Variants in SS18L1 observed in about 807,000 individuals in gnomAD.
SS18L1 encodes calcium-responsive transactivator.
Under a neutral mutation model 70.3 loss-of-function variants are expected in SS18L1, and 32 were observed. The ratio of observed to expected loss-of-function variants is 0.46; its 90% CI spans 0.34 to 0.61. The LOEUF (loss-of-function observed/expected upper bound fraction) is 0.61. Among genes scored for constraint, SS18L1 ranks in the 20% least tolerant of loss-of-function variants. The probability of loss-of-function intolerance (pLI) is 0.01; values close to 1 mark genes in which losing one functional copy is unlikely to be tolerated. For missense variants in SS18L1, 430 were observed against 542.1 expected (o/e 0.79, Z 2.05); for synonymous variants, 237 against 229.7 (o/e 1.03, Z -0.29).
At chr20:62,168,144 G>C (rs540200522) in intron 8 of SS18L1, among the ~76,000 whole-genome samples, 2 of 152,174 alleles carry the variant, frequency 1.3e-5, no homozygotes, top group South Asian at 2.1e-4. Flanking sequence ...TCCGTAGCTT[G>C]TTGTGGGTTA....
chr20:62,161,808 C>G lies in SS18L1; in HGVS notation c.376+228C>G, dbSNP rs537968109. Among the ~76,000 whole-genome samples the G allele has an allele frequency of 6.6e-6, 1 of 152,378 alleles. No individual in the cohort carries two copies. The highest frequency in any genetic ancestry group is 2.1e-4 in the South Asian group (1 of 4,832). ...CTCCAGTTGTCCACTCTCTCTGACA[C>G]TGTCACGTTCCATCAAATTCAAATG... is the stretch of plus-strand genomic sequence containing the variant. On this transcript the variant is annotated intron_variant, in intron 4 of 10. Coordinates refer to ENST00000331758, the MANE Select transcript of SS18L1 (RefSeq NM_198935.3). The surrounding 1 kb of genome is among the most constrained non-coding windows in gnomAD (Gnocchi z 4.4).
intron 10 of SS18L1, chr20:62,175,347 C>T (rs1251628529): frequency 1.0e-6 from 1 of 985,314 alleles, no homozygotes; most frequent in Non-Finnish European, 1.2e-6. Context: ...GCAGACATCG[C>T]TTTCCCTCTG....
chr20:62,157,766 C>T (rs1203549291), intron 1 of SS18L1, among the ~76,000 whole-genome samples: 3 of 152,216 alleles, frequency 2.0e-5, no homozygotes, highest in African/African-American at 7.2e-5. Context: ...TGCCGTTCTC[C>T]TGCATTTCAG....
chr20:62,145,318 A>AGG (rs11394882), intron 1 of SS18L1, among the ~76,000 whole-genome samples: 33 of 152,122 alleles, frequency 2.2e-4, no homozygotes, highest in African/African-American at 6.7e-4. Context: ...ACTGAGGCCT[A>AGG]GGGGGGCTAA....
In SS18L1 at chr20:62,159,973, C is replaced by CGG; in HGVS notation, c.231+17_231+18dup. On this transcript the variant is annotated intron_variant, in intron 3 of 10. Coordinates refer to ENST00000331758, the MANE Select transcript of SS18L1 (RefSeq NM_198935.3). This position sits in a 1 kb window ranked among gnomAD's most constrained non-coding sequence, Gnocchi z 4.4. ...CCCTGCTTCCTGCCGTGAGTACCCA[C>CGG]GGGGGGTTGGCCTCCTTTACCCAGC... is the stretch of plus-strand genomic sequence containing the variant. The CGG allele has an allele frequency of 6.2e-7, 1 of 1,608,300 alleles. No homozygotes were observed.
chr20:62,172,564 G>A, intron 8 of SS18L1, 118 bp from the exon 9 acceptor site: 2 of 1,453,974 alleles, frequency 1.4e-6, no homozygotes, highest in South Asian at 1.2e-5. Context: ...AAATAAACAT[G>A]CCGAAGCAAT....
At chr20:62,146,187 C>T (rs963504468) in intron 1 of SS18L1, among the ~76,000 whole-genome samples, 2 of 152,354 alleles carry the variant, frequency 1.3e-5, no homozygotes, top group South Asian at 2.1e-4. Context: ...ACTCAACCTT[C>T]AAAGCCTCAC....
intron 8 of SS18L1, among the ~76,000 whole-genome samples, chr20:62,169,876 G>A (rs1281982492): frequency 6.6e-6 from 1 of 152,170 alleles, no homozygotes; most frequent in Non-Finnish European, 1.5e-5. Context: ...AGTCCCGAGC[G>A]CGGCTGGCGT....
chr20:62,169,606 C>G (rs2057494026), intron 8 of SS18L1, among the ~76,000 whole-genome samples: 1 of 152,076 alleles, frequency 6.6e-6, no homozygotes, highest in Non-Finnish European at 1.5e-5. Flanking sequence ...TGGTGAAACC[C>G]CATCTCGACC....
At chr20:62,170,610 G>A (rs1045974357) in intron 8 of SS18L1, among the ~76,000 whole-genome samples, 1 of 152,156 alleles carries the variant, frequency 6.6e-6, no homozygotes, top group Non-Finnish European at 1.5e-5. Context: ...GGGCTCCCCC[G>A]AGCCCTGCAG....
intron 1 of SS18L1, among the ~76,000 whole-genome samples, chr20:62,156,055 G>A (rs755799579): frequency 6.3e-5 from 9 of 142,804 alleles, no homozygotes; most frequent in Non-Finnish European, 1.1e-4. Context: ...ACTGTGTTTC[G>A]TCGTGCTTCG....
At position 62,174,453 on chromosome 20, in the gene SS18L1, T is replaced by C. The variant is rs187182077; in HGVS notation, c.1037-64T>C. On this transcript the variant is annotated intron_variant, in intron 9 of 10. Transcript: ENST00000331758. This position sits in a 1 kb window ranked among gnomAD's most constrained non-coding sequence, Gnocchi z 4.1. ...GGAAGTTTTAAAAAAAATTTTTAAG[T>C]TAAGAAAAAAAAAGAAAGAGGTGTC... 9.0e-5 allele frequency: 139 copies of C among 1,546,898 alleles called. No homozygotes were observed. Among genetic ancestry groups the C allele is most frequent in the Admixed American group, 3.7e-4 (17 of 45,944 alleles).
intron 1 of SS18L1, among the ~76,000 whole-genome samples, chr20:62,146,999 T>C (rs2057042919): frequency 6.6e-6 from 1 of 152,152 alleles, no homozygotes; most frequent in South Asian, 2.1e-4. Context: ...GACCCCGTCT[T>C]TATTTCATTT....
At chr20:62,145,451 A>G (rs2057007982) in intron 1 of SS18L1, among the ~76,000 whole-genome samples, 1 of 152,220 alleles carries the variant, frequency 6.6e-6, no homozygotes, top group Admixed American at 6.5e-5. Context: ...CTAGGCTCAG[A>G]GGCAAATGTT....
chr20:62,170,573 G>A (rs372607112), intron 8 of SS18L1, among the ~76,000 whole-genome samples: 1 of 152,350 alleles, frequency 6.6e-6, no homozygotes, highest in South Asian at 2.1e-4. Flanking sequence ...TGCCCGCCCC[G>A]TTGCTGTCCT....
intron 3 of SS18L1, 129 bp downstream of exon 3, chr20:62,160,090 C>A (rs2057296920): frequency 3.2e-6 from 3 of 932,004 alleles, no homozygotes; most frequent in Non-Finnish European, 4.8e-6. Flanking sequence ...CCACTAGAGC[C>A]ACCAGAAATG....
In SS18L1 at chr20:62,179,350, A is replaced by T. The variant is rs1380638758; in HGVS notation, c.*142A>T. 1.1e-6 allele frequency: 1 copy of T among 894,414 alleles called. No homozygotes were observed. The highest frequency in any genetic ancestry group is 1.8e-6 in the Non-Finnish European group (1 of 554,992). The allele number at this position is 894,414 out of a possible 1,614,324, so 55.4% of individuals were successfully genotyped here. On this transcript the variant is annotated 3_prime_UTR_variant, in exon 11 of 11. Transcript: ENST00000331758. ...TCTGCATGTGAAGCGTGCTCATTTCATGCTGGGTATGACGCCGAGCGCACA... is the reference window on the plus strand; with the variant it reads ...TCTGCATGTGAAGCGTGCTCATTTCTTGCTGGGTATGACGCCGAGCGCACA...
At chr20:62,170,014 G>A (rs1331306565) in intron 8 of SS18L1, among the ~76,000 whole-genome samples, 2 of 152,220 alleles carry the variant, frequency 1.3e-5, no homozygotes, top group Admixed American at 6.5e-5. Flanking sequence ...CCTTGGCTGC[G>A]TCCTCGTGTG....
At chr20:62,155,728 T>G (rs898125504) in intron 1 of SS18L1, among the ~76,000 whole-genome samples, 2 of 152,174 alleles carry the variant, frequency 1.3e-5, no homozygotes, top group African/African-American at 4.8e-5. Context: ...GTGCCAGAAT[T>G]TTAACATTCC....
Sources: allele counts gnomAD v4.1 joint callset (sites outside exome capture counted in the v4.1 genomes callset), GRCh38; gene constraint gnomAD v4.1.1; non-coding constraint Gnocchi (gnomAD v3.1); transcripts MANE v1.5; gene names NCBI Gene and HGNC (gene_info 2026-07-23, HGNC 2026-07-21).